Variants in MAMDC4 observed in about 807,000 individuals in gnomAD.
MAMDC4 encodes the protein MAM domain containing 4.
In MAMDC4, 168 loss-of-function variants were observed where a neutral mutation model predicts 153.3. That is an observed-to-expected ratio of 1.10 (90% CI 0.97 to 1.25). The LOEUF (loss-of-function observed/expected upper bound fraction) is 1.25. Ranked by LOEUF, MAMDC4 falls within the 50% of genes most tolerant of loss-of-function variation. MAMDC4 has a pLI of 0.00. For synonymous variants in MAMDC4, 744 were observed against 651.5 expected, an observed-to-expected ratio of 1.14 and a Z score of -2.16; for missense variants, 1,701 against 1,542.8, an observed-to-expected ratio of 1.10 and a Z score of -1.72.
chr9:136,853,856 T>A lies in MAMDC4; in HGVS notation c.534T>A (p.Pro178=). The A allele has an allele frequency of 6.2e-7, 1 of 1,612,556 alleles. No individual in the cohort carries two copies. Among genetic ancestry groups the A allele is most frequent in the Non-Finnish European group, 8.5e-7 (1 of 1,179,848 alleles). The part of the protein sequence containing the change: ...TLWQSTGPWG[P]GWQELAVTTG... ...GGCAGAGCACAGGGCCCTGGGGCCC[T>A]GGCTGGCAGGAGTTGGCAGTGACCA... The change falls in exon 5 of 27, where the codon CCT becomes CCA. Residue 178 remains proline (P), a synonymous_variant. Transcript: ENST00000317446.
Position 136,854,972 on chromosome 9 carries a change from T to C in MAMDC4, c.1059T>C (p.Ala353=), listed in dbSNP as rs747285315. The part of the protein sequence containing the change: ...VFYQYLSGSE[A]GCLQLFLQTL... Reference sequence around the variant, plus strand: ...ATCAGTACCTGAGTGGGTCTGAGGCTGGCTGCCTCCAGCTGTTCCTGCAGA... The same window carrying C: ...ATCAGTACCTGAGTGGGTCTGAGGCCGGCTGCCTCCAGCTGTTCCTGCAGA... The change falls in exon 10 of 27, where the codon GCT becomes GCC. Residue 353 remains alanine (A), a synonymous_variant. Transcript: ENST00000317446. The C allele has an allele frequency of 3.1e-6, 5 of 1,607,524 alleles. No individual in the cohort carries two copies. The highest frequency in any genetic ancestry group is 1.7e-5 in the Admixed American group (1 of 59,130).
At chr9:136,859,784 A>T (rs975400324) in intron 25 of MAMDC4, 102 bp from the exon 26 acceptor site, 57 of 1,271,582 alleles carry the variant, frequency 4.5e-5, no homozygotes, top group Non-Finnish European at 7.7e-6. Flanking sequence ...GGTGAACCCC[A>T]GGAGCCAGCA....
intron 1 of MAMDC4, 104 bp from the exon 2 acceptor site, chr9:136,852,998 T>G (rs1848947930): frequency 5.3e-6 from 5 of 934,940 alleles, no homozygotes; most frequent in Non-Finnish European, 8.2e-6. Context: ...CTGAGGGGCA[T>G]CCCCGGACAA....
At chr9:136,853,015 T>A (rs1441470946) in intron 1 of MAMDC4, 87 bp from the exon 2 acceptor site, 5 of 1,118,592 alleles carry the variant, frequency 4.5e-6, no homozygotes, top group Non-Finnish European at 6.5e-6. Flanking sequence ...ACAAAAGATG[T>A]CCAGTGCTAA....
In MAMDC4 at chr9:136,855,865, A is replaced by G. The variant is rs544302529; in HGVS notation, c.1588+17A>G. On this transcript the variant is annotated intron_variant, in intron 13 of 26. Coordinates refer to ENST00000317446, the MANE Select transcript of MAMDC4 (RefSeq NM_206920.3). ...CTGCTGCTGGTGAGGCCCAAGGCCC[A>G]AGGCTCAAGCCCCCGCCCGGGTGTG... 138 of 1,486,896 alleles carry G rather than the reference A, an allele frequency of 9.3e-5. 2 individuals are homozygous for G. The East Asian group carries it at 2.6e-3, about 28-fold the overall frequency. 92.1% of individuals were successfully genotyped at this position (1,486,896 alleles called of 1,614,324 possible).
In MAMDC4 at chr9:136,860,707, G is replaced by A. The variant is rs1302628642; in HGVS notation, c.*104G>A. 17 of 1,311,408 alleles carry A rather than the reference G, an allele frequency of 1.3e-5. No individual in the cohort carries two copies. The highest frequency in any genetic ancestry group is 5.4e-5 in the Admixed American group (3 of 55,892). 81.2% of individuals were successfully genotyped at this position (1,311,408 alleles called of 1,614,324 possible). On this transcript the variant is annotated 3_prime_UTR_variant, in exon 27 of 27. Transcript: ENST00000317446. ...CCCGCCCAGGCTGGGACAGGCTGCA[G>A]GTCTCAGGATATGCTGAGGCCTGGG... is the stretch of plus-strand genomic sequence containing the variant.
chr9:136,858,705 C>T lies in MAMDC4; in HGVS notation c.2822-14C>T, dbSNP rs1441408095. The T allele has an allele frequency of 6.2e-7, 1 of 1,611,884 alleles. No individual in the cohort carries two copies. The highest frequency in any genetic ancestry group is 2.2e-5 in the East Asian group (1 of 44,890). On this transcript the variant is annotated splice_polypyrimidine_tract_variant and intron_variant, in intron 22 of 26. Transcript: ENST00000317446. ...CTGCCCATCAGCTGGGCATCAGCCT[C>T]CTCTTGTTCCCAGGCCACTTTGCCT...
chr9:136,856,526 C>G (rs750997232), intron 14 of MAMDC4, 184 bp from the exon 15 acceptor site: 6 of 795,780 alleles, frequency 7.5e-6, no homozygotes, highest in Non-Finnish European at 1.4e-5. Context: ...GGGTGGACAA[C>G]GTGACCCTGA....
chr9:136,855,031 T>C lies in MAMDC4; in HGVS notation c.1118T>C (p.Leu373Pro), dbSNP rs1422967768. 1 of 1,606,988 alleles carries C rather than the reference T, an allele frequency of 6.2e-7. No individual in the cohort carries two copies. Among genetic ancestry groups the C allele is most frequent in the Admixed American group, 1.7e-5 (1 of 59,028 alleles). Residue 373 changes from leucine to proline, a missense_variant, in exon 10 of 27, where the codon CTG (leucine) becomes CCG (proline). Transcript: ENST00000317446. ...LGPGAPRAPV[L>P]LRRRRGELGT... Reference sequence around the variant, plus strand: ...CCCGGCGCCCCCCGGGCCCCCGTCCTGCTGCGGAGGCGCCGAGGGGAGCTG... The same window carrying C: ...CCCGGCGCCCCCCGGGCCCCCGTCCCGCTGCGGAGGCGCCGAGGGGAGCTG...
Position 136,858,116 on chromosome 9 carries a change from G to C in MAMDC4, c.2583+19G>C. ...CTGGAGGGTGAGTGCAGGGTGGGGTGCCCCTCCCCCTCCCCCTCCCCCGAG... is the reference window on the plus strand; with the variant it reads ...CTGGAGGGTGAGTGCAGGGTGGGGTCCCCCTCCCCCTCCCCCTCCCCCGAG... On this transcript the variant is annotated intron_variant, in intron 20 of 26. Transcript: ENST00000317446. 6.5e-7 allele frequency: 1 copy of C among 1,529,028 alleles called. No individual in the cohort carries two copies. The highest frequency in any genetic ancestry group is 8.8e-7 in the Non-Finnish European group (1 of 1,137,530). 94.7% of individuals were successfully genotyped at this position (1,529,028 alleles called of 1,614,324 possible). A position where few individuals can be genotyped will look rare whatever the true frequency, so the allele number is the denominator to read the frequency against.
At chr9:136,859,832 A>G in intron 25 of MAMDC4, 54 bp from the exon 26 acceptor site, 1 of 1,594,782 alleles carries the variant, frequency 6.3e-7, no homozygotes, top group South Asian at 1.1e-5. Context: ...CTTCCTCCTT[A>G]GCCCCAGATG....
rs913297651 is a variant in MAMDC4, at chr9:136,856,049, G to C, written c.1620G>C (p.Gly540=). Residue 540 remains glycine, a synonymous_variant, in exon 14 of 27, where the codon GGG becomes GGC. Coordinates refer to ENST00000317446, the MANE Select transcript of MAMDC4 (RefSeq NM_206920.3). ...GHFLSLQRAW[G]QLGAEARVLT... is the part of the protein sequence containing the mutation. ...TCCTGTCTCTGCAGCGGGCCTGGGGGCAGCTAGGCGCTGAGGCCCGGGTCC... is the reference window on the plus strand; with the variant it reads ...TCCTGTCTCTGCAGCGGGCCTGGGGCCAGCTAGGCGCTGAGGCCCGGGTCC... 3.1e-6 allele frequency: 5 copies of C among 1,612,126 alleles called. No homozygotes were observed. Among genetic ancestry groups the C allele is most frequent in the Non-Finnish European group, 3.4e-6 (4 of 1,179,790 alleles).
At chr9:136,857,116 A>T in intron 16 of MAMDC4, 49 bp from the exon 17 acceptor site, 4 of 1,606,590 alleles carry the variant, frequency 2.5e-6, no homozygotes, top group South Asian at 1.1e-5. Context: ...TCTGACACCC[A>T]TCAAGGCACA....
chr9:136,859,249 G>C lies in MAMDC4; in HGVS notation c.3125G>C (p.Gly1042Ala), dbSNP rs149218516. 1.2e-6 allele frequency: 2 copies of C among 1,612,086 alleles called. No individual in the cohort carries two copies. The highest frequency in any genetic ancestry group is 1.3e-5 in the African/African-American group (1 of 74,924). ...ACTCTGGGCGGCCAGCCAGCCCTGG[G>C]GCCCATTGCCCTGGATGACGTGGAG... ...EATLGGQPALGPIALDDVEYL... is the reference protein window; with the variant it reads ...EATLGGQPALAPIALDDVEYL... The change falls in exon 25 of 27, where the codon GGG becomes GCG. Residue 1042 changes from glycine (G) to alanine (A), a missense_variant. Coordinates refer to ENST00000317446, the MANE Select transcript of MAMDC4 (RefSeq NM_206920.3).
In MAMDC4 at chr9:136,852,383, C is replaced by T. The variant is rs769478688; in HGVS notation, c.-34C>T. 2.5e-6 allele frequency: 4 copies of T among 1,606,802 alleles called. No homozygotes were observed. In the African/African-American group the frequency reaches 4.0e-5, roughly 16 times the overall value. On this transcript the variant is annotated 5_prime_UTR_variant, in exon 1 of 27. Coordinates refer to ENST00000317446, the MANE Select transcript of MAMDC4 (RefSeq NM_206920.3). ...TAACCGCACGGAACTTCCCAGGCACCCTGTGTGGCCGCACTGCTCCCTCTG... is the reference window on the plus strand; with the variant it reads ...TAACCGCACGGAACTTCCCAGGCACTCTGTGTGGCCGCACTGCTCCCTCTG...
rs534226706 is a variant in MAMDC4, at chr9:136,859,903, G to C, written c.3211G>C (p.Gly1071Arg). Residue 1071 changes from glycine to arginine, a missense_variant, in exon 26 of 27, where the codon GGG becomes CGG. Physicochemically the swap from Gly to Arg is moderately radical, Grantham distance 125. Transcript: ENST00000317446. ...APSPGNTAAP[G>R]SVPAVVGSAL... ...GCCCACAGGGAACACAGCCGCACCCGGGTCTGTGCCAGCTGTGGTTGGCAG... is the reference window on the plus strand; with the variant it reads ...GCCCACAGGGAACACAGCCGCACCCCGGTCTGTGCCAGCTGTGGTTGGCAG... 2.9e-5 allele frequency: 46 copies of C among 1,612,018 alleles called. No individual in the cohort carries two copies. Among genetic ancestry groups the C allele is most frequent in the Non-Finnish European group, 3.7e-5 (44 of 1,179,952 alleles).
intron 1 of MAMDC4, among the ~76,000 whole-genome samples, 183 bp from the exon 2 acceptor site, chr9:136,852,919 C>G (rs1048091197): frequency 6.6e-6 from 1 of 152,230 alleles, no homozygotes; most frequent in African/African-American, 2.4e-5. Flanking sequence ...CAGGAACGTG[C>G]TGTGCTTGGT....
intron 25 of MAMDC4, 167 bp from the exon 26 acceptor site, chr9:136,859,707 CAGCTGCCTGTCT>C: frequency 1.6e-6 from 1 of 643,296 alleles, no homozygotes; most frequent in South Asian, 1.9e-5. Context: ...CTGCAGACAG[CAGCTGCCTGTCT>C]GCCAGGCCCC....
At position 136,858,845 on chromosome 9, in the gene MAMDC4, A is replaced by G. The variant is rs754578131; in HGVS notation, c.2948A>G (p.Glu983Gly). The change falls in exon 23 of 27, where the codon GAG becomes GGG. Residue 983 changes from glutamate (E) to glycine (G), a missense_variant. Transcript: ENST00000317446. ...LRFWYHMGFP[E>G]HFYKGELKVL... ...TTCTGGTACCACATGGGTTTTCCTGAGCACTTCTGTGAGTCCGGCTGGGCC... is the reference window on the plus strand; with the variant it reads ...TTCTGGTACCACATGGGTTTTCCTGGGCACTTCTGTGAGTCCGGCTGGGCC... The G allele has an allele frequency of 6.2e-7, 1 of 1,608,598 alleles. No individual in the cohort carries two copies. The highest frequency in any genetic ancestry group is 8.5e-7 in the Non-Finnish European group (1 of 1,177,858).
Sources: allele counts gnomAD v4.1 joint callset (sites outside exome capture counted in the v4.1 genomes callset), GRCh38; gene constraint gnomAD v4.1.1; transcripts MANE v1.5; gene names NCBI Gene and HGNC (gene_info 2026-07-23, HGNC 2026-07-21).